The following ARHGEF17 variants were observed in gnomAD, a reference collection of about 807,000 sequenced individuals.
ARHGEF17 encodes Rho guanine nucleotide exchange factor 17.
In ARHGEF17, 80 loss-of-function variants were observed where a neutral mutation model predicts 174.0. That is an observed-to-expected ratio of 0.46 (90% CI 0.38 to 0.55). ARHGEF17 has a LOEUF of 0.55. Ranked by LOEUF, ARHGEF17 falls within the 20% of genes least tolerant of loss-of-function variation. ARHGEF17 has a pLI of 0.00. For missense variants in ARHGEF17, 2,886 were observed against 2,839.7 expected (o/e 1.02, Z -0.37); for synonymous variants, 1,311 against 1,189.1 (o/e 1.10, Z -2.11).
At chr11:73,346,010 G>C (rs543702671) in intron 1 of ARHGEF17, among the ~76,000 whole-genome samples, 4 of 152,122 alleles carry the variant, frequency 2.6e-5, no homozygotes, top group East Asian at 3.9e-4. Context: ...CAGCAGGTAA[G>C]TTCAGTCCCA....
Position 73,365,282 on chromosome 11 carries a change from C to G in ARHGEF17, c.5551-108C>G, listed in dbSNP as rs1414400779. 6 of 1,290,448 alleles carry G rather than the reference C, an allele frequency of 4.6e-6. No individual in the cohort carries two copies. The highest frequency in any genetic ancestry group is 5.4e-6 in the Non-Finnish European group (5 of 921,170). 79.9% of individuals were successfully genotyped at this position (1,290,448 alleles called of 1,614,324 possible). A position where few individuals can be genotyped will look rare whatever the true frequency, so the allele number is the denominator to read the frequency against. ...TCGAAAGGTTAATCAGACCAAGGACCAACGCTAGTGTGAGTTGTGAGGGAT... is the reference window on the plus strand; with the variant it reads ...TCGAAAGGTTAATCAGACCAAGGACGAACGCTAGTGTGAGTTGTGAGGGAT... On this transcript the variant is annotated intron_variant, in intron 18 of 20. Coordinates refer to ENST00000263674, the MANE Select transcript of ARHGEF17 (RefSeq NM_014786.4). The surrounding 1 kb of genome is among the most constrained non-coding windows in gnomAD (Gnocchi z 4.9).
chr11:73,323,327 C>T (rs112461621), intron 1 of ARHGEF17, among the ~76,000 whole-genome samples: 3 of 152,298 alleles, frequency 2.0e-5, no homozygotes, highest in African/African-American at 7.2e-5. Flanking sequence ...CTCCAGAGTC[C>T]AGCAGAGCTC....
intron 1 of ARHGEF17, chr11:73,343,366 A>G: frequency 2.6e-6 from 1 of 384,052 alleles, no homozygotes; most frequent in Non-Finnish European, 4.6e-6. Context: ...CGGTGGGGGG[A>G]GGGGAGGCAT....
rs1326530723 is a variant in ARHGEF17, at chr11:73,310,321, C to T, written c.1683C>T (p.Thr561=). ...EKPMARRLPR[T]SALKSSSSEL... ...CCATGGCCCGCCGCCTGCCCCGCAC[C>T]AGTGCTCTGAAGTCCAGCTCCTCCG... Residue 561 remains threonine, a synonymous_variant, in exon 1 of 21, where the codon ACC becomes ACT. Transcript: ENST00000263674. 1.2e-6 allele frequency: 2 copies of T among 1,613,860 alleles called. No homozygotes were observed. Among genetic ancestry groups the T allele is most frequent in the Admixed American group, 1.7e-5 (1 of 60,036 alleles).
At position 73,365,908 on chromosome 11, in the gene ARHGEF17, A is replaced by C. The variant is rs762286638; in HGVS notation, c.5956A>C (p.Asn1986His). The change falls in exon 20 of 21, where the codon AAC becomes CAC. Residue 1986 changes from asparagine to histidine, a missense_variant. Asn to His is a moderately conservative substitution (Grantham distance 68). Coordinates refer to ENST00000263674, the MANE Select transcript of ARHGEF17 (RefSeq NM_014786.4). This position sits in a 1 kb window ranked among gnomAD's most constrained non-coding sequence, Gnocchi z 4.9. ...TGCAGTCCAGCTGCCAGATGGCTTC[A>C]ACCTGCTCTGCCCAACCCCACCACC... The part of the protein sequence containing the change: ...LAAVQLPDGF[N>H]LLCPTPPPPP... 6.2e-7 allele frequency: 1 copy of C among 1,607,464 alleles called. No individual in the cohort carries two copies. Among genetic ancestry groups the C allele is most frequent in the East Asian group, 2.2e-5 (1 of 44,874 alleles).
At chr11:73,356,524 G>C (rs1462721634) in intron 6 of ARHGEF17, 173 bp downstream of exon 6, 1 of 1,107,512 alleles carries the variant, frequency 9.0e-7, no homozygotes, top group African/African-American at 1.5e-5. Context: ...CCACCTGTCT[G>C]TTCTTCCACG....
chr11:73,346,354 T>C (rs1358822878), intron 1 of ARHGEF17, among the ~76,000 whole-genome samples: 1 of 152,192 alleles, frequency 6.6e-6, no homozygotes, highest in Non-Finnish European at 1.5e-5. Context: ...CTGTGTGACC[T>C]TCAGCACTGA....
At chr11:73,317,305 C>T (rs948474866) in intron 1 of ARHGEF17, among the ~76,000 whole-genome samples, 1 of 152,182 alleles carries the variant, frequency 6.6e-6, no homozygotes, top group Admixed American at 6.5e-5. Flanking sequence ...CCCCCTACCC[C>T]CCAAGGTAGC....
intron 1 of ARHGEF17, among the ~76,000 whole-genome samples, chr11:73,327,271 A>G (rs2135793605): frequency 6.6e-6 from 1 of 152,314 alleles, no homozygotes; most frequent in African/African-American, 2.4e-5. Flanking sequence ...CGCTCCCAGA[A>G]TGTGCACCCT....
intron 3 of ARHGEF17, 55 bp from the exon 4 acceptor site, chr11:73,355,478 G>A (rs554405597): frequency 2.9e-5 from 34 of 1,158,046 alleles, no homozygotes; most frequent in African/African-American, 2.0e-4. Flanking sequence ...CTAGGACAGG[G>A]TGAGGTGGGG....
At chr11:73,355,763 C>T (rs2134417263) in intron 4 of ARHGEF17, 98 bp from the exon 5 acceptor site, 1 of 1,572,104 alleles carries the variant, frequency 6.4e-7, no homozygotes, top group Non-Finnish European at 8.7e-7. Context: ...CCAGCCTCCG[C>T]TCTCAGGCTG....
At chr11:73,328,695 A>T (rs1467369700) in intron 1 of ARHGEF17, among the ~76,000 whole-genome samples, 1 of 152,218 alleles carries the variant, frequency 6.6e-6, no homozygotes, top group Admixed American at 6.5e-5. Flanking sequence ...AAAGGCTCCA[A>T]ACTTGGGGCT....
At position 73,362,250 on chromosome 11, in the gene ARHGEF17, G is replaced by A. The variant is rs1485249810; in HGVS notation, c.4694+11G>A. 5 of 1,511,234 alleles carry A rather than the reference G, an allele frequency of 3.3e-6. No individual in the cohort carries two copies. The highest frequency in any genetic ancestry group is 2.5e-5 in the South Asian group (2 of 80,398). 93.6% of individuals were successfully genotyped at this position (1,511,234 alleles called of 1,614,324 possible). A position where few individuals can be genotyped will look rare whatever the true frequency, so the allele number is the denominator to read the frequency against. On this transcript the variant is annotated intron_variant, in intron 13 of 20. Coordinates refer to ENST00000263674, the MANE Select transcript of ARHGEF17 (RefSeq NM_014786.4). Reference sequence around the variant, plus strand: ...GCCTCGCTGCCACCGGTGAGGCCTGGGCGGCGGGGTGGGCGGCACCGCGGG... The same window carrying A: ...GCCTCGCTGCCACCGGTGAGGCCTGAGCGGCGGGGTGGGCGGCACCGCGGG...
intron 12 of ARHGEF17, 26 bp downstream of exon 12, chr11:73,361,187 G>A: frequency 6.2e-7 from 1 of 1,609,970 alleles, no homozygotes; most frequent in Non-Finnish European, 8.5e-7. Flanking sequence ...GGTCACTTGG[G>A]TACATGTTTT....
intron 1 of ARHGEF17, among the ~76,000 whole-genome samples, chr11:73,333,468 G>A (rs888044590): frequency 6.6e-6 from 1 of 152,260 alleles, no homozygotes; most frequent in Non-Finnish European, 1.5e-5. Flanking sequence ...CCAAGCTGCT[G>A]TTGGTCAGCC....
At chr11:73,339,420 G>A (rs543702613) in intron 1 of ARHGEF17, among the ~76,000 whole-genome samples, 113 of 152,150 alleles carry the variant, frequency 7.4e-4, no homozygotes, top group African/African-American at 2.5e-3. Context: ...CATTTATCAT[G>A]ATTTCATCCT....
chr11:73,356,703 C>T lies in ARHGEF17; in HGVS notation c.3841-6C>T, dbSNP rs1270518303. ...TTCGAGATGCCTTGTCCCTCCTGTC[C>T]CACAGCTCCAGGCCCCTCTGCGGCG... is the stretch of plus-strand genomic sequence containing the variant. On this transcript the variant is annotated splice_polypyrimidine_tract_variant and splice_region_variant and intron_variant, in intron 6 of 20. Coordinates refer to ENST00000263674, the MANE Select transcript of ARHGEF17 (RefSeq NM_014786.4). The T allele has an allele frequency of 2.0e-5, 33 of 1,614,042 alleles. No individual in the cohort carries two copies. The highest frequency in any genetic ancestry group is 2.5e-5 in the Non-Finnish European group (30 of 1,180,020).
chr11:73,336,430 C>T (rs529890793), intron 1 of ARHGEF17, among the ~76,000 whole-genome samples: 15 of 152,146 alleles, frequency 9.9e-5, no homozygotes, highest in African/African-American at 1.2e-4. Context: ...GCAGTGGGTA[C>T]GGGGGTCCCT....
intron 1 of ARHGEF17, among the ~76,000 whole-genome samples, chr11:73,322,521 G>T (rs1023632524): frequency 6.6e-6 from 1 of 152,236 alleles, no homozygotes; most frequent in African/African-American, 2.4e-5. Context: ...GCCTCACACT[G>T]TAAGGGGTCA....
Sources: allele counts gnomAD v4.1 joint callset (sites outside exome capture counted in the v4.1 genomes callset), GRCh38; gene constraint gnomAD v4.1.1; non-coding constraint Gnocchi (gnomAD v3.1); transcripts MANE v1.5; gene names NCBI Gene and HGNC (gene_info 2026-07-23, HGNC 2026-07-21).